The following BAALC variants were observed in gnomAD, a reference collection of about 807,000 sequenced individuals.
BAALC encodes the protein BAALC binder of MAP3K1 and KLF4, also known as brain and acute leukemia cytoplasmic protein.
Under a neutral mutation model 15.5 loss-of-function variants are expected in BAALC, and 9 were observed. The observed-to-expected ratio is 0.58, with a 90% CI of 0.35 to 1.02. The LOEUF (loss-of-function observed/expected upper bound fraction) is 1.02. Ranked by LOEUF, BAALC falls within the 50% of genes least tolerant of loss-of-function variation. The pLI is 0.02. For missense variants in BAALC, 201 were observed against 192.4 expected (o/e 1.04, Z -0.27); for synonymous variants, 80 against 74.6 (o/e 1.07, Z -0.37).
chr8:103,192,299 G>A (rs146723638), intron 1 of BAALC, among the ~76,000 whole-genome samples: 98 of 152,276 alleles, frequency 6.4e-4, no homozygotes, highest in African/African-American at 2.0e-3. Context: ...TGACCCACCC[G>A]CCTCAGCCTC....
intron 1 of BAALC, among the ~76,000 whole-genome samples, chr8:103,203,230 G>C (rs762041781): frequency 6.6e-6 from 1 of 152,210 alleles, no homozygotes; most frequent in Non-Finnish European, 1.5e-5. Context: ...ACAGGGAACA[G>C]TGGTCTTTCA....
intron 2 of BAALC, among the ~76,000 whole-genome samples, chr8:103,227,339 T>C (rs1439408044): frequency 6.6e-6 from 1 of 152,136 alleles, no homozygotes; most frequent in African/African-American, 2.4e-5. Flanking sequence ...AAAACTGCCT[T>C]CCATTTTGTT....
chr8:103,210,475 G>T (rs1366013745), intron 1 of BAALC, among the ~76,000 whole-genome samples: 1 of 152,240 alleles, frequency 6.6e-6, no homozygotes, highest in Non-Finnish European at 1.5e-5. Context: ...TGCAGTCTTA[G>T]CAACTCTGCC....
chr8:103,157,334 GATA>G (rs1211143647), intron 1 of BAALC, among the ~76,000 whole-genome samples: 13 of 151,534 alleles, frequency 8.6e-5, no homozygotes, highest in Admixed American at 8.5e-4. Flanking sequence ...TATATATTTG[GATA>G]ATATTATATA....
intron 2 of BAALC, among the ~76,000 whole-genome samples, chr8:103,220,124 C>CATT (rs1812645305): frequency 6.6e-6 from 1 of 152,194 alleles, no homozygotes; most frequent in South Asian, 2.1e-4. Flanking sequence ...TCTTCCTTCC[C>CATT]ATTATCTGAA....
intron 2 of BAALC, among the ~76,000 whole-genome samples, chr8:103,217,019 G>A (rs186841466): frequency 5.9e-5 from 9 of 152,140 alleles, no homozygotes; most frequent in Non-Finnish European, 7.4e-5. Context: ...GTCAGCCCCC[G>A]TAGGGCTTCA....
chr8:103,218,410 C>T (rs551481097), intron 2 of BAALC, among the ~76,000 whole-genome samples: 1 of 152,110 alleles, frequency 6.6e-6, no homozygotes, highest in Non-Finnish European at 1.5e-5. Flanking sequence ...TCATCCTACT[C>T]CCTACCTGAG....
At chr8:103,144,968 G>A (rs1357325925) in intron 1 of BAALC, among the ~76,000 whole-genome samples, 1 of 152,190 alleles carries the variant, frequency 6.6e-6, no homozygotes, top group Non-Finnish European at 1.5e-5. Flanking sequence ...TTACAAGTGA[G>A]GAAATGAGGC....
chr8:103,220,611 G>A (rs1812655750), intron 2 of BAALC, among the ~76,000 whole-genome samples: 2 of 152,142 alleles, frequency 1.3e-5, no homozygotes, highest in Non-Finnish European at 2.9e-5. Context: ...CAAAAAAGAA[G>A]TTAAAAAATA....
intron 1 of BAALC, among the ~76,000 whole-genome samples, chr8:103,151,495 C>T (rs1166323176): frequency 2.0e-5 from 3 of 152,190 alleles, no homozygotes; most frequent in Middle Eastern, 3.2e-3. Context: ...AGGATCCCCT[C>T]ACATCCTCAC....
chr8:103,200,999 T>G (rs2130031171), intron 1 of BAALC, among the ~76,000 whole-genome samples: 1 of 151,656 alleles, frequency 6.6e-6, no homozygotes, highest in South Asian at 2.1e-4. Context: ...AGAAAAAGAG[T>G]CTAAAGTGAA....
intron 2 of BAALC, among the ~76,000 whole-genome samples, chr8:103,222,820 T>C (rs1324999451): frequency 1.3e-5 from 2 of 152,216 alleles, no homozygotes; most frequent in African/African-American, 4.8e-5. Flanking sequence ...AGAGTTATTG[T>C]TGTTGCCATT....
chr8:103,200,909 G>A, intron 1 of BAALC: 1 of 463,694 alleles, frequency 2.2e-6, no homozygotes, highest in Non-Finnish European at 3.9e-6. Flanking sequence ...GAATTTTGGG[G>A]GGACACCAAC....
At chr8:103,192,733 C>G (rs1327806279) in intron 1 of BAALC, among the ~76,000 whole-genome samples, 3 of 152,222 alleles carry the variant, frequency 2.0e-5, no homozygotes, top group Admixed American at 1.3e-4. Flanking sequence ...CTCCCTACCG[C>G]CAGGCTTGAG....
intron 1 of BAALC, among the ~76,000 whole-genome samples, chr8:103,143,074 A>C (rs980335243): frequency 6.6e-6 from 1 of 152,166 alleles, no homozygotes; most frequent in Non-Finnish European, 1.5e-5. Flanking sequence ...ATTTCTGAAG[A>C]CCAAGATTAA....
intron 1 of BAALC, among the ~76,000 whole-genome samples, chr8:103,146,532 C>T (rs367752478): frequency 1.3e-5 from 2 of 152,356 alleles, no homozygotes; most frequent in East Asian, 3.9e-4. Context: ...TTTCATTTCA[C>T]ACACAGTCCT....
intron 1 of BAALC, among the ~76,000 whole-genome samples, chr8:103,165,052 T>A (rs1432435027): frequency 6.6e-6 from 1 of 152,196 alleles, no homozygotes; most frequent in African/African-American, 2.4e-5. Flanking sequence ...CTGTGGGATT[T>A]GGGGCATGGC....
intron 1 of BAALC, among the ~76,000 whole-genome samples, chr8:103,205,628 G>A (rs1229161811): frequency 1.3e-5 from 2 of 152,138 alleles, no homozygotes; most frequent in African/African-American, 4.8e-5. Context: ...CCCTGGGGGT[G>A]GGATACAGGG....
intron 1 of BAALC, among the ~76,000 whole-genome samples, chr8:103,149,018 C>G: frequency 6.6e-6 from 1 of 152,158 alleles, no homozygotes; most frequent in East Asian, 1.9e-4. Context: ...TCATCACTTG[C>G]CAGATGAGGA....
Sources: gnomAD v4.1 joint callset for allele counts (sites outside exome capture counted in the v4.1 genomes callset) on GRCh38, gnomAD v4.1.1 for gene constraint, MANE v1.5 for transcripts, NCBI Gene and HGNC (gene_info 2026-07-23, HGNC 2026-07-21) for gene names.